Variants in SALL3 observed in about 807,000 individuals in gnomAD.
SALL3 encodes sal-like protein 3.
SALL3 carries 25 observed loss-of-function variants against 66.2 expected under a neutral mutation model. The ratio of observed to expected loss-of-function variants is 0.38; its 90% CI spans 0.28 to 0.53. The LOEUF (loss-of-function observed/expected upper bound fraction) is 0.53, where lower values mean the gene tolerates loss of function less well. SALL3 is among the 20% of genes least tolerant of loss of function. The pLI, the probability that SALL3 is intolerant of heterozygous loss-of-function variation, is 0.85. For missense variants in SALL3, 2,194 were observed against 1,916.5 expected, an observed-to-expected ratio of 1.14 and a Z score of -2.70; for synonymous variants, 1,152 against 899.1, an observed-to-expected ratio of 1.28 and a Z score of -5.03.
In SALL3 at chr18:78,995,431, GC is replaced by G; in HGVS notation, c.3442del (p.Arg1148GlyfsTer38). The G allele has an allele frequency of 6.3e-7, 1 of 1,583,954 alleles. No homozygotes were observed. The highest frequency in any genetic ancestry group is 8.5e-7 in the Non-Finnish European group (1 of 1,172,918). On this transcript the variant is annotated frameshift_variant, in exon 2 of 3. Coordinates refer to ENST00000537592, the MANE Select transcript of SALL3 (RefSeq NM_171999.4). LOFTEE classifies it low-confidence loss of function (END_TRUNC). ...AAGCCGTTCGGCTGCACCATCTGCG[GC>G]CGGGCCTTCACCACTAAGGGCAACC... Reference protein sequence around the residue: ...GEKPFGCTICGRAFTTKGNLK... With the variant: ...GEKPFGCTICXRAFTTKGNLK...
chr18:78,989,728 A>G (rs1020238275), intron 1 of SALL3, among the ~76,000 whole-genome samples: 2 of 152,224 alleles, frequency 1.3e-5, no homozygotes, highest in African/African-American at 4.8e-5. Flanking sequence ...GGAATTAACA[A>G]GCATTTAATT....
chr18:78,995,562 T>C, intron 2 of SALL3, 100 bp downstream of exon 2: 1 of 1,450,668 alleles, frequency 6.9e-7, no homozygotes. Context: ...GTCCTGCTCC[T>C]ATCCTGGCCA....
intron 1 of SALL3, among the ~76,000 whole-genome samples, chr18:78,986,019 C>T (rs1187383371): frequency 6.6e-6 from 1 of 152,234 alleles, no homozygotes; most frequent in Non-Finnish European, 1.5e-5. Context: ...GTGATACACA[C>T]GCGTTCCTTA....
chr18:78,993,755 C>A lies in SALL3; in HGVS notation c.1764C>A (p.Leu588=). The stretch of plus-strand genomic sequence containing the variant: ...CCGCCGAGTCCCCACAGTCGCTCCT[C>A]GGCGGGCCGCCCCTCACTAAAGCCG... ...SATAESPQSL[L]GGPPLTKAEP... The change falls in exon 2 of 3, where the codon CTC becomes CTA. Residue 588 remains leucine (L), a synonymous_variant. Transcript: ENST00000537592. 6.5e-7 allele frequency: 1 copy of A among 1,542,902 alleles called. No individual in the cohort carries two copies. The highest frequency in any genetic ancestry group is 8.7e-7 in the Non-Finnish European group (1 of 1,154,632).
rs758917162 is a variant in SALL3, at chr18:78,992,289, G to A, written c.298G>A (p.Ala100Thr). ...PPEDFPEPSP[A>T]SSPSERAESE... is the part of the protein sequence containing the mutation. Reference sequence around the variant, plus strand: ...CGAGGACTTCCCCGAGCCTTCGCCCGCCAGCTCCCCCAGCGAGCGCGCCGA... The same window carrying A: ...CGAGGACTTCCCCGAGCCTTCGCCCACCAGCTCCCCCAGCGAGCGCGCCGA... Residue 100 changes from alanine (A) to threonine (T), a missense_variant, in exon 2 of 3, where the codon GCC becomes ACC. Coordinates refer to ENST00000537592, the MANE Select transcript of SALL3 (RefSeq NM_171999.4). 15 of 1,538,590 alleles carry A rather than the reference G, an allele frequency of 9.7e-6. No homozygotes were observed. The highest frequency in any genetic ancestry group is 2.5e-5 in the East Asian group (1 of 39,768).
Position 78,997,286 on chromosome 18 carries a change from G to T in SALL3, c.3867G>T (p.Arg1289=), listed in dbSNP as rs769231226. The change falls in exon 3 of 3, where the codon CGG becomes CGT. Residue 1289 remains arginine, a synonymous_variant. Transcript: ENST00000537592. The part of the protein sequence containing the change: ...SETAASRPFT[R]FIEDNKEIGI... ...CAGCAGCCAGCCGCCCATTCACGCG[G>T]TTTATCGAGGATAACAAGGAGATTG... 2 of 1,613,838 alleles carry T rather than the reference G, an allele frequency of 1.2e-6. No individual in the cohort carries two copies. Among genetic ancestry groups the T allele is most frequent in the Non-Finnish European group, 8.5e-7 (1 of 1,180,028 alleles).
At chr18:78,992,039 C>A in intron 1 of SALL3, 35 bp from the exon 2 acceptor site, 6 of 1,383,890 alleles carry the variant, frequency 4.3e-6, no homozygotes, top group African/African-American at 1.5e-5. Context: ...GGGCGGGCGC[C>A]GAGCCCCGGC....
rs751223209 is a variant in SALL3 at position 78,994,925 on chromosome 18, GTGTGGTGTC to G, written c.2940_2948del (p.Val981_Gly983del). 1.2e-6 allele frequency: 2 copies of G among 1,613,494 alleles called. No homozygotes were observed. The highest frequency in any genetic ancestry group is 2.7e-5 in the African/African-American group (2 of 74,954). On this transcript the variant is annotated inframe_deletion, in exon 2 of 3. Transcript: ENST00000537592. ...AGCGGGGTAAGTGTCCCAGCACTGT[GTGTGGTGTC>G]TGTGGCAAGCCTTTTGCTTGCAAGA...
chr18:78,992,165 C>G lies in SALL3; in HGVS notation c.174C>G (p.Ala58=), dbSNP rs140790375. Residue 58 remains alanine, a synonymous_variant, in exon 2 of 3, where the codon GCC becomes GCG. Coordinates refer to ENST00000537592, the MANE Select transcript of SALL3 (RefSeq NM_171999.4). ...CCAGCGTGTGCGAGAAATGCTGCGCCGAGTTCTTCAAGTGGGCGGACTTCC... is the reference window on the plus strand; with the variant it reads ...CCAGCGTGTGCGAGAAATGCTGCGCGGAGTTCTTCAAGTGGGCGGACTTCC... ...EETSVCEKCC[A]EFFKWADFLE... 1.9e-6 allele frequency: 3 copies of G among 1,609,184 alleles called. No individual in the cohort carries two copies. The highest frequency in any genetic ancestry group is 2.2e-5 in the East Asian group (1 of 44,568).
Position 78,997,111 on chromosome 18 carries a change from C to G in SALL3, c.3692C>G (p.Ser1231Cys). The G allele has an allele frequency of 6.2e-7, 1 of 1,614,104 alleles. No individual in the cohort carries two copies. The highest frequency in any genetic ancestry group is 1.1e-5 in the South Asian group (1 of 91,086). The change falls in exon 3 of 3, where the codon TCC (serine) becomes TGC (cysteine). Residue 1231 changes from serine (S) to cysteine (C), a missense_variant. Ser to Cys is a moderately radical substitution (Grantham distance 112, BLOSUM62 -1). Coordinates refer to ENST00000537592, the MANE Select transcript of SALL3 (RefSeq NM_171999.4). ...NGLAMKNNEISVIQNGGIPQL... is the reference protein window; with the variant it reads ...NGLAMKNNEICVIQNGGIPQL... ...CTCGCCATGAAGAACAACGAGATCT[C>G]CGTCATCCAGAACGGCGGCATCCCC...
chr18:78,993,016 C>A lies in SALL3; in HGVS notation c.1025C>A (p.Thr342Lys). The change falls in exon 2 of 3, where the codon ACG becomes AAG. Residue 342 changes from threonine to lysine, a missense_variant. Transcript: ENST00000537592. ...AASSQPQSAS[T>K]PPALAPGSLL... ...TCGTCGCAGCCGCAGAGCGCATCCA[C>A]GCCGCCTGCCCTGGCCCCGGGGTCC... 1 of 1,529,040 alleles carries A rather than the reference C, an allele frequency of 6.5e-7. No homozygotes were observed. Among genetic ancestry groups the A allele is most frequent in the Non-Finnish European group, 8.7e-7 (1 of 1,146,458 alleles). The allele number at this position is 1,529,040 out of a possible 1,614,324, so 94.7% of individuals were successfully genotyped here.
chr18:78,994,982 C>A lies in SALL3; in HGVS notation c.2991C>A (p.Arg997=). 1.2e-6 allele frequency: 2 copies of A among 1,613,864 alleles called. No homozygotes were observed. Among genetic ancestry groups the A allele is most frequent in the Non-Finnish European group, 1.7e-6 (2 of 1,180,010 alleles). Residue 997 remains arginine, a synonymous_variant, in exon 2 of 3, where the codon CGC becomes CGA. Coordinates refer to ENST00000537592, the MANE Select transcript of SALL3 (RefSeq NM_171999.4). ...AGAGCGCGTTGGAAATCCACTACCG[C>A]AGCCATACTAAGGAGCGGCCATTCG... is the stretch of plus-strand genomic sequence containing the variant. ...ACKSALEIHY[R]SHTKERPFVC... is the part of the protein sequence containing the mutation.
In SALL3 at chr18:78,992,215, A is replaced by G. The variant is rs1431293484; in HGVS notation, c.224A>G (p.Lys75Arg). The G allele has an allele frequency of 2.5e-6, 4 of 1,609,182 alleles. No homozygotes were observed. The highest frequency in any genetic ancestry group is 3.4e-6 in the Non-Finnish European group (4 of 1,178,992). ...DFLEHQRSCT[K>R]LPPVLIVHED... ...CTGGAGCACCAGCGGAGCTGCACCA[A>G]GCTCCCGCCCGTGCTGATCGTGCAC... Residue 75 changes from lysine (K) to arginine (R), a missense_variant, in exon 2 of 3, where the codon AAG becomes AGG. Transcript: ENST00000537592.
chr18:78,980,323 G>A lies in SALL3; in HGVS notation c.49G>A (p.Glu17Lys), dbSNP rs1339155703. Residue 17 changes from glutamate to lysine, a missense_variant, in exon 1 of 3, where the codon GAG (glutamate) becomes AAG (lysine). By Grantham distance (56) the Glu-to-Lys change is moderately conservative. Transcript: ENST00000537592. ...GCCCCAGCACCTCAAGTCGGACGAG[G>A]AGCTGCTGCCGCCTGACGGGGCTCC... is the stretch of plus-strand genomic sequence containing the variant. Reference protein sequence around the residue: ...AKPQHLKSDEELLPPDGAPEH... With the variant: ...AKPQHLKSDEKLLPPDGAPEH... The A allele has an allele frequency of 2.1e-6, 3 of 1,442,294 alleles. No individual in the cohort carries two copies. The highest frequency in any genetic ancestry group is 4.6e-5 in the Admixed American group (2 of 43,282). The allele number at this position is 1,442,294 out of a possible 1,614,324, so 89.3% of individuals were successfully genotyped here.
At position 78,992,211 on chromosome 18, in the gene SALL3, A is replaced by C. The variant is rs748256004; in HGVS notation, c.220A>C (p.Thr74Pro). ...CTTCCTGGAGCACCAGCGGAGCTGC[A>C]CCAAGCTCCCGCCCGTGCTGATCGT... ...ADFLEHQRSC[T>P]KLPPVLIVHE... The change falls in exon 2 of 3, where the codon ACC becomes CCC. Residue 74 changes from threonine (T) to proline (P), a missense_variant. By Grantham distance (38) the Thr-to-Pro change is conservative. Coordinates refer to ENST00000537592, the MANE Select transcript of SALL3 (RefSeq NM_171999.4). 1 of 1,609,582 alleles carries C rather than the reference A, an allele frequency of 6.2e-7. No homozygotes were observed. The highest frequency in any genetic ancestry group is 8.5e-7 in the Non-Finnish European group (1 of 1,179,084).
chr18:78,990,710 AAG>A (rs1914401985), intron 1 of SALL3, among the ~76,000 whole-genome samples: 2 of 152,214 alleles, frequency 1.3e-5, no homozygotes, highest in African/African-American at 4.8e-5. Context: ...GCGTTTAACA[AAG>A]AGCTGATGTG....
rs544477663 is a variant in SALL3, at chr18:78,980,015, G to T, written c.-260G>T. Reference sequence around the variant, plus strand: ...CCCGAGGCGCCGCGGCCCCCTCCTCGTCGGCGCGGCCGCTAATTGCGAGCG... The same window carrying T: ...CCCGAGGCGCCGCGGCCCCCTCCTCTTCGGCGCGGCCGCTAATTGCGAGCG... On this transcript the variant is annotated 5_prime_UTR_variant, in exon 1 of 3. Transcript: ENST00000537592. Among the ~76,000 whole-genome samples the T allele has an allele frequency of 2.0e-3, 289 of 145,782 alleles. 2 individuals are homozygous for T. Among genetic ancestry groups the T allele is most frequent in the Non-Finnish European group, 3.1e-3 (205 of 65,598 alleles).
At position 78,997,215 on chromosome 18, in the gene SALL3, G is replaced by T; in HGVS notation, c.3796G>T (p.Gly1266Cys). 6.2e-7 allele frequency: 1 copy of T among 1,614,038 alleles called. No homozygotes were observed. The highest frequency in any genetic ancestry group is 8.5e-7 in the Non-Finnish European group (1 of 1,180,026). ...MASGMDKART[G>C]SSPPIVSLDK... ...CAGTGGGATGGACAAAGCACGCACTGGCAGTAGCCCACCCATCGTCAGCTT... is the reference window on the plus strand; with the variant it reads ...CAGTGGGATGGACAAAGCACGCACTTGCAGTAGCCCACCCATCGTCAGCTT... The change falls in exon 3 of 3, where the codon GGC becomes TGC. Residue 1266 changes from glycine to cysteine, a missense_variant. By Grantham distance (159) the Gly-to-Cys change is radical. Coordinates refer to ENST00000537592, the MANE Select transcript of SALL3 (RefSeq NM_171999.4).
In SALL3 at chr18:78,990,991, GGGAGAC is replaced by G. The variant is rs370811955; in HGVS notation, c.83-1078_83-1073del. Among the ~76,000 whole-genome samples, 51 of 152,138 alleles carry G rather than the reference GGGAGAC, an allele frequency of 3.4e-4. 1 individual carries two copies. Among genetic ancestry groups the G allele is most frequent in the African/African-American group, 1.2e-3 (51 of 41,444 alleles). ...TTGTTACTCGGCACAAGAGGGTAAG[GGGAGAC>G]GGAGGAAGTGGCTGCCTACAACAGT... On this transcript the variant is annotated intron_variant, in intron 1 of 2. Coordinates refer to ENST00000537592, the MANE Select transcript of SALL3 (RefSeq NM_171999.4).
Sources: allele counts gnomAD v4.1 joint callset (sites outside exome capture counted in the v4.1 genomes callset), GRCh38; gene constraint gnomAD v4.1.1; transcripts MANE v1.5; gene names NCBI Gene and HGNC (gene_info 2026-07-23, HGNC 2026-07-21).